SLC9A9: variants seen among roughly 807,000 people sequenced by gnomAD.
SLC9A9 encodes the protein solute carrier family 9 member A9, also known as sodium/hydrogen exchanger 9.
In SLC9A9, 62 loss-of-function variants were observed where a neutral mutation model predicts 77.8. The observed-to-expected ratio is 0.80, with a 90% CI of 0.65 to 0.98. The LOEUF is 0.98. SLC9A9 is among the 50% of genes least tolerant of loss of function. SLC9A9 has a pLI of 0.00. For synonymous variants in SLC9A9, 320 were observed against 283.5 expected (o/e 1.13, Z -1.29); for missense variants, 775 against 774.9 (o/e 1.00, Z 0.00).
At chr3:143,838,079 G>T (rs2009614160) in intron 1 of SLC9A9, among the ~76,000 whole-genome samples, 1 of 152,176 alleles carries the variant, frequency 6.6e-6, no homozygotes, top group African/African-American at 2.4e-5. Context: ...GTTTCTGTCA[G>T]GGTTTCTGTT....
chr3:143,276,193 T>C (rs1310187728), intron 14 of SLC9A9, among the ~76,000 whole-genome samples: 2 of 152,318 alleles, frequency 1.3e-5, no homozygotes, highest in South Asian at 4.1e-4. Flanking sequence ...TCTACCTTAC[T>C]GAGACCATCT....
intron 6 of SLC9A9, among the ~76,000 whole-genome samples, chr3:143,595,585 A>C (rs1429272239): frequency 6.6e-6 from 1 of 152,206 alleles, no homozygotes; most frequent in East Asian, 1.9e-4. Flanking sequence ...ATACAATGCT[A>C]TGAAAAAACT....
chr3:143,661,713 C>A (rs1437221493), intron 5 of SLC9A9, among the ~76,000 whole-genome samples: 1 of 152,160 alleles, frequency 6.6e-6, no homozygotes, highest in Non-Finnish European at 1.5e-5. Flanking sequence ...TTAGTAGAGA[C>A]AGGGTTTCCT....
chr3:143,639,855 G>A (rs1162893100), intron 6 of SLC9A9, among the ~76,000 whole-genome samples: 1 of 151,874 alleles, frequency 6.6e-6, no homozygotes, highest in African/African-American at 2.4e-5. Flanking sequence ...TGGTGTTTGG[G>A]GTGCTTGAAA....
chr3:143,363,738 T>C (rs1363291285), intron 13 of SLC9A9, among the ~76,000 whole-genome samples, 175 bp from the exon 14 acceptor site: 1 of 152,224 alleles, frequency 6.6e-6, no homozygotes, highest in Non-Finnish European at 1.5e-5. Context: ...TAAATCTTGC[T>C]ATGTGGATGA....
intron 14 of SLC9A9, among the ~76,000 whole-genome samples, chr3:143,304,218 G>T (rs1446307833): frequency 6.6e-6 from 1 of 152,054 alleles, no homozygotes; most frequent in Non-Finnish European, 1.5e-5. Flanking sequence ...TCCTTTTTCT[G>T]CCTCTCATAC....
intron 9 of SLC9A9, among the ~76,000 whole-genome samples, chr3:143,496,027 A>G (rs1229507763): frequency 6.6e-6 from 1 of 152,256 alleles, no homozygotes. Flanking sequence ...GACTCATTAA[A>G]TTGACTGATG....
intron 6 of SLC9A9, among the ~76,000 whole-genome samples, chr3:143,632,001 C>T (rs2038434491): frequency 2.0e-5 from 3 of 152,048 alleles, no homozygotes. Flanking sequence ...CCTCAACTGC[C>T]CACCTTCTCC....
chr3:143,487,089 T>C (rs897259272), intron 11 of SLC9A9, among the ~76,000 whole-genome samples: 2 of 151,826 alleles, frequency 1.3e-5, no homozygotes, highest in Non-Finnish European at 2.9e-5. Context: ...AAAAAGATAT[T>C]CCATGAAAAT....
intron 7 of SLC9A9, among the ~76,000 whole-genome samples, chr3:143,577,717 C>A (rs903425667): frequency 2.0e-5 from 3 of 152,170 alleles, no homozygotes; most frequent in Non-Finnish European, 2.9e-5. Flanking sequence ...CTGGGCAAGA[C>A]CCCATAGAAA....
At chr3:143,458,490 A>AT (rs1333877441) in intron 12 of SLC9A9, among the ~76,000 whole-genome samples, 7 of 151,572 alleles carry the variant, frequency 4.6e-5, no homozygotes, top group Non-Finnish European at 7.4e-5. Flanking sequence ...TGTTTTCTCT[A>AT]TTTTTCCCCT....
intron 6 of SLC9A9, among the ~76,000 whole-genome samples, chr3:143,623,029 A>C (rs2038249853): frequency 6.6e-6 from 1 of 152,212 alleles, no homozygotes; most frequent in Non-Finnish European, 1.5e-5. Flanking sequence ...GCCATTACAT[A>C]ATGGTAAAGA....
At chr3:143,778,831 G>T (rs1454023750) in intron 4 of SLC9A9, among the ~76,000 whole-genome samples, 1 of 152,138 alleles carries the variant, frequency 6.6e-6, no homozygotes, top group Non-Finnish European at 1.5e-5. Context: ...AAAGATTAGA[G>T]ACCCAGCTCC....
chr3:143,286,812 A>ACTT (rs1159112192), intron 14 of SLC9A9, among the ~76,000 whole-genome samples: 1 of 152,074 alleles, frequency 6.6e-6, no homozygotes, highest in Non-Finnish European at 1.5e-5. Context: ...TTAACACCAA[A>ACTT]CTTTTTAGCA....
At chr3:143,490,905 C>T (rs1361577492) in intron 11 of SLC9A9, among the ~76,000 whole-genome samples, 3 of 151,986 alleles carry the variant, frequency 2.0e-5, no homozygotes. Context: ...TTCTTTCCAC[C>T]ATGTAAAAGA....
At chr3:143,340,852 T>A (rs1396890502) in intron 14 of SLC9A9, among the ~76,000 whole-genome samples, 2 of 152,206 alleles carry the variant, frequency 1.3e-5, no homozygotes, top group Non-Finnish European at 2.9e-5. Flanking sequence ...AATGAGTTGG[T>A]ACAAGAAATG....
At chr3:143,817,854 A>G (rs1267020321) in intron 2 of SLC9A9, among the ~76,000 whole-genome samples, 3 of 152,202 alleles carry the variant, frequency 2.0e-5, no homozygotes, top group Non-Finnish European at 4.4e-5. Flanking sequence ...CTTTATACAG[A>G]TAGGTATTCA....
chr3:143,487,707 A>G (rs1428658315), intron 11 of SLC9A9, among the ~76,000 whole-genome samples: 1 of 151,910 alleles, frequency 6.6e-6, no homozygotes, highest in Non-Finnish European at 1.5e-5. Context: ...GAATGATAAG[A>G]AAACACAACA....
intron 9 of SLC9A9, among the ~76,000 whole-genome samples, chr3:143,547,221 A>G (rs1039256166): frequency 1.3e-5 from 2 of 152,154 alleles, no homozygotes; most frequent in Non-Finnish European, 2.9e-5. Flanking sequence ...TAGAGATTTC[A>G]TCCAGTACCA....
Sources: gnomAD v4.1 joint callset for allele counts (sites outside exome capture counted in the v4.1 genomes callset) on GRCh38, gnomAD v4.1.1 for gene constraint, MANE v1.5 for transcripts, NCBI Gene and HGNC (gene_info 2026-07-23, HGNC 2026-07-21) for gene names.